The following ANKRD27 variants were observed in gnomAD, a reference collection of about 807,000 sequenced individuals.
ANKRD27 encodes ankyrin repeat domain-containing protein 27.
In ANKRD27, 112 loss-of-function variants were observed where a neutral mutation model predicts 129.7. The ratio of observed to expected loss-of-function variants is 0.86; its 90% CI spans 0.74 to 1.01. The LOEUF (loss-of-function observed/expected upper bound fraction) is 1.01. ANKRD27 is among the 50% of genes least tolerant of loss of function. ANKRD27 has a pLI of 0.00. For missense variants in ANKRD27, 1,258 were observed against 1,300.5 expected (o/e 0.97, Z 0.50); for synonymous variants, 516 against 511.2 (o/e 1.01, Z -0.13).
chr19:32,620,742 C>A (rs1971996713), intron 18 of ANKRD27, among the ~76,000 whole-genome samples: 1 of 151,838 alleles, frequency 6.6e-6, no homozygotes, highest in Admixed American at 6.6e-5. Context: ...CAAAAATTAG[C>A]CGGGTGTGGT....
At chr19:32,627,394 A>T (rs201561231) in intron 15 of ANKRD27, among the ~76,000 whole-genome samples, 2,260 of 39,986 alleles carry the variant, frequency 0.057, 80 homozygotes, top group Non-Finnish European at 0.1. Context: ...TTATTTATTT[A>T]TTTATTTATT....
intron 2 of ANKRD27, among the ~76,000 whole-genome samples, chr19:32,656,059 A>AAGAAAG (rs1967514260): frequency 1.5e-5 from 1 of 65,884 alleles, no homozygotes; most frequent in African/African-American, 5.4e-5. Flanking sequence ...GAAAAGAAAG[A>AAGAAAG]AAAGAAAGAA....
chr19:32,625,792 A>C, intron 17 of ANKRD27, 82 bp downstream of exon 17: 2 of 1,187,106 alleles, frequency 1.7e-6, no homozygotes, highest in Non-Finnish European at 2.3e-6. Flanking sequence ...ATCGACACAA[A>C]ATACATTAAT....
intron 1 of ANKRD27, among the ~76,000 whole-genome samples, chr19:32,674,516 T>C (rs1003395188): frequency 3.3e-5 from 5 of 152,028 alleles, no homozygotes; most frequent in African/African-American, 1.2e-4. Flanking sequence ...ATCCGGAACA[T>C]CTCTCGGTGC....
At position 32,625,976 on chromosome 19, in the gene ANKRD27, T is replaced by C; in HGVS notation, c.1537-10A>G. On this transcript the variant is annotated splice_polypyrimidine_tract_variant and intron_variant, in intron 16 of 28. Transcript: ENST00000306065. Reference sequence around the variant, plus strand: ...AGTGCAGCAGCAGCAGCTGCGGAGATAAAGGAAAGCGATGAGCAGGGCACA... The same window carrying C: ...AGTGCAGCAGCAGCAGCTGCGGAGACAAAGGAAAGCGATGAGCAGGGCACA... The C allele has an allele frequency of 6.3e-7, 1 of 1,598,874 alleles. No homozygotes were observed.
In ANKRD27 at chr19:32,619,446, G is replaced by T. The variant is rs111474226; in HGVS notation, c.1887+48C>A. ...AGGACACGTGAGGACCAGAGAAGGC[G>T]CCCTTGGTCTCCAAGGTAACCTGAC... On this transcript the variant is annotated intron_variant, in intron 19 of 28. Coordinates refer to ENST00000306065, the MANE Select transcript of ANKRD27 (RefSeq NM_032139.3). 8.6e-5 allele frequency: 138 copies of T among 1,613,938 alleles called. 1 individual carries two copies. In the East Asian group the frequency reaches 3.0e-3, roughly 35 times the overall value.
chr19:32,617,059 C>T (rs1376101110), intron 21 of ANKRD27, among the ~76,000 whole-genome samples: 3 of 152,230 alleles, frequency 2.0e-5, no homozygotes, highest in Non-Finnish European at 4.4e-5. Flanking sequence ...GCAGGGCCCA[C>T]ACTCGCTATG....
At chr19:32,614,479 G>A (rs567954431) in intron 22 of ANKRD27, among the ~76,000 whole-genome samples, 12 of 151,954 alleles carry the variant, frequency 7.9e-5, no homozygotes, top group Non-Finnish European at 1.2e-4. Flanking sequence ...TGAGATGGGC[G>A]AATCACTTGA....
At chr19:32,644,800 C>T (rs562032806) in intron 4 of ANKRD27, among the ~76,000 whole-genome samples, 58 of 152,306 alleles carry the variant, frequency 3.8e-4, no homozygotes, top group African/African-American at 1.4e-3. Flanking sequence ...TTAAAAATAA[C>T]GAAATCTCAA....
intron 1 of ANKRD27, chr19:32,673,501 C>T: frequency 3.1e-6 from 3 of 975,024 alleles, no homozygotes; most frequent in Non-Finnish European, 3.7e-6. Context: ...CTGCTAGGTG[C>T]TCAGGACCTG....
At chr19:32,640,476 A>G in intron 10 of ANKRD27, 91 bp from the exon 11 acceptor site, 1 of 1,041,638 alleles carries the variant, frequency 9.6e-7, no homozygotes, top group South Asian at 1.3e-5. Flanking sequence ...ACCTTGTGAA[A>G]CCACGTATCA....
chr19:32,649,823 C>A (rs774064378), intron 2 of ANKRD27, 31 bp from the exon 3 acceptor site: 1 of 1,417,232 alleles, frequency 7.1e-7, no homozygotes, highest in Non-Finnish European at 1.0e-6. Flanking sequence ...CAACATTAGA[C>A]AGACGTGCCA....
chr19:32,619,107 C>T (rs553122288), intron 20 of ANKRD27, among the ~76,000 whole-genome samples, 153 bp downstream of exon 20: 2 of 152,288 alleles, frequency 1.3e-5, no homozygotes, highest in African/African-American at 2.4e-5. Flanking sequence ...AGCTTGAAGG[C>T]ACCAACCTCG....
At position 32,617,641 on chromosome 19, in the gene ANKRD27, A is replaced by T; in HGVS notation, c.2008-8T>A. 1 of 750,778 alleles carries T rather than the reference A, an allele frequency of 1.3e-6. No individual in the cohort carries two copies. The highest frequency in any genetic ancestry group is 1.5e-5 in the South Asian group (1 of 68,054). The allele number at this position is 750,778 out of a possible 1,614,324, so 46.5% of individuals were successfully genotyped here. On this transcript the variant is annotated splice_polypyrimidine_tract_variant and splice_region_variant and intron_variant, in intron 20 of 28. Transcript: ENST00000306065. ...TCTCAAAAGTTTTTCTACCTTAATA[A>T]AAGGAACAAGAATGTTAGAAAAATG... is the stretch of plus-strand genomic sequence containing the variant.
Position 32,605,827 on chromosome 19 carries a change from G to A in ANKRD27, c.2493+8C>T, listed in dbSNP as rs374912880. The A allele has an allele frequency of 6.2e-6, 10 of 1,612,334 alleles. No homozygotes were observed. The African/African-American group carries it at 1.1e-4, about 17-fold the overall frequency. ...GTGTGTAGAATGAGGACAGGAAGGG[G>A]CCCTCACCTGTAGCAGCAGTGCCAC... On this transcript the variant is annotated splice_region_variant and intron_variant, in intron 24 of 28. Transcript: ENST00000306065.
chr19:32,619,451 T>A lies in ANKRD27; in HGVS notation c.1887+43A>T, dbSNP rs941284534. 6.8e-6 allele frequency: 11 copies of A among 1,613,858 alleles called. No individual in the cohort carries two copies. In the African/African-American group the frequency reaches 1.5e-4, roughly 22 times the overall value. ...ACGTGAGGACCAGAGAAGGCGCCCTTGGTCTCCAAGGTAACCTGACCTGCT... is the reference window on the plus strand; with the variant it reads ...ACGTGAGGACCAGAGAAGGCGCCCTAGGTCTCCAAGGTAACCTGACCTGCT... On this transcript the variant is annotated intron_variant, in intron 19 of 28. Transcript: ENST00000306065.
intron 1 of ANKRD27, among the ~76,000 whole-genome samples, chr19:32,673,894 C>T (rs1245779769): frequency 6.6e-6 from 1 of 151,968 alleles, no homozygotes; most frequent in Non-Finnish European, 1.5e-5. Context: ...TGCCTGTAAT[C>T]CCAACACCTT....
chr19:32,641,048 G>C (rs890295628), intron 10 of ANKRD27, among the ~76,000 whole-genome samples: 1 of 151,862 alleles, frequency 6.6e-6, no homozygotes, highest in African/African-American at 2.4e-5. Flanking sequence ...ACAGGTGCCC[G>C]CCACCATGCC....
rs772930601 is a variant in ANKRD27, at chr19:32,604,381, G to A, written c.2537C>T (p.Ala846Val). 43 of 1,613,520 alleles carry A rather than the reference G, an allele frequency of 2.7e-5. No homozygotes were observed. Among genetic ancestry groups the A allele is most frequent in the Non-Finnish European group, 3.1e-5 (37 of 1,179,686 alleles). ...INASNNKGNT[A>V]LHEAVIEKHV... ...CTTTTCAATCACAGCCTCGTGCAGC[G>A]CTGTGTTGCCCTTATTGTTAGAAGC... is the stretch of plus-strand genomic sequence containing the variant. The change falls in exon 25 of 29, where the codon GCG (alanine) becomes GTG (valine). Residue 846 changes from alanine to valine, a missense_variant. Coordinates refer to ENST00000306065, the MANE Select transcript of ANKRD27 (RefSeq NM_032139.3).
Sources: allele counts gnomAD v4.1 joint callset (sites outside exome capture counted in the v4.1 genomes callset), GRCh38; gene constraint gnomAD v4.1.1; transcripts MANE v1.5; gene names NCBI Gene and HGNC (gene_info 2026-07-23, HGNC 2026-07-21).